Variants in RPS6KC1 observed in about 807,000 individuals in gnomAD.
The protein encoded by RPS6KC1 is inactive ribosomal protein S6 kinase delta-1.
In RPS6KC1, 54 loss-of-function variants were observed where a neutral mutation model predicts 103.8. The ratio of observed to expected loss-of-function variants is 0.52; its 90% CI spans 0.42 to 0.65. The LOEUF is 0.65. Among genes scored for constraint, RPS6KC1 ranks in the 30% least tolerant of loss-of-function variants. The pLI is 0.00. For missense variants in RPS6KC1, 1,151 were observed against 1,253.8 expected, an observed-to-expected ratio of 0.92 and a Z score of 1.24; for synonymous variants, 439 against 438.7, an observed-to-expected ratio of 1.00 and a Z score of -0.01.
At chr1:213,360,058 T>A in the RPS6KC1 span, among the ~76,000 whole-genome samples, 2 of 152,104 alleles carry the variant, frequency 1.3e-5, no homozygotes, top group Non-Finnish European at 2.9e-5. Context: ...TCTCGAGGAG[T>A]ATCTTTGTGG....
At chr1:213,473,043 C>T in the RPS6KC1 span, among the ~76,000 whole-genome samples, 2 of 152,350 alleles carry the variant, frequency 1.3e-5, no homozygotes, top group African/African-American at 4.8e-5. Context: ...TCTTCAGAGT[C>T]TGGCATCTGC....
chr1:213,698,639 G>A, the RPS6KC1 span, among the ~76,000 whole-genome samples: 1 of 151,978 alleles, frequency 6.6e-6, no homozygotes, highest in Admixed American at 6.6e-5. Flanking sequence ...GCAACCATTT[G>A]TGCCTGTATA....
chr1:213,575,524 G>A, the RPS6KC1 span, among the ~76,000 whole-genome samples: 2 of 152,128 alleles, frequency 1.3e-5, no homozygotes, highest in Admixed American at 1.3e-4. Flanking sequence ...TTTTATAAAG[G>A]GCTTTTCCCC....
chr1:213,137,773 CTCTCTA>C (rs1306040705), intron 6 of RPS6KC1, among the ~76,000 whole-genome samples: 2 of 33,372 alleles, frequency 6.0e-5, no homozygotes, highest in African/African-American at 9.4e-5. Context: ...CTCTCTCTCT[CTCTCTA>C]TATATATATA....
intron 7 of RPS6KC1, among the ~76,000 whole-genome samples, chr1:213,169,757 T>TTTTTTAAA (rs1221692753): frequency 6.6e-6 from 1 of 151,630 alleles, no homozygotes; most frequent in East Asian, 1.9e-4. Flanking sequence ...TTGTAAAAGT[T>TTTTTTAAA]TTTTTAAATT....
chr1:213,553,092 A>T, the RPS6KC1 span, among the ~76,000 whole-genome samples: 4 of 152,044 alleles, frequency 2.6e-5, no homozygotes, highest in Non-Finnish European at 5.9e-5. Flanking sequence ...TTCAGTGTAC[A>T]GATAATTTTG....
the RPS6KC1 span, among the ~76,000 whole-genome samples, chr1:213,610,941 A>G: frequency 6.6e-6 from 1 of 152,218 alleles, no homozygotes; most frequent in Non-Finnish European, 1.5e-5. Context: ...AGTGACATCC[A>G]AATGTGTGAA....
the RPS6KC1 span, among the ~76,000 whole-genome samples, chr1:213,341,526 G>C: frequency 6.6e-6 from 1 of 152,168 alleles, no homozygotes; most frequent in Non-Finnish European, 1.5e-5. Flanking sequence ...CATGGAATAG[G>C]AGTCCCAGAC....
At chr1:213,227,865 A>G (rs1573449563) in intron 8 of RPS6KC1, among the ~76,000 whole-genome samples, 1 of 152,224 alleles carries the variant, frequency 6.6e-6, no homozygotes, top group East Asian at 1.9e-4. Flanking sequence ...AAATGGATTC[A>G]TGTGATATTT....
At chr1:213,336,860 C>G in the RPS6KC1 span, among the ~76,000 whole-genome samples, 2 of 152,136 alleles carry the variant, frequency 1.3e-5, no homozygotes, top group Non-Finnish European at 2.9e-5. Flanking sequence ...TCTTGCATTA[C>G]ACAACTCTAG....
At chr1:213,325,458 A>T in the RPS6KC1 span, among the ~76,000 whole-genome samples, 1 of 152,178 alleles carries the variant, frequency 6.6e-6, no homozygotes, top group Non-Finnish European at 1.5e-5. Context: ...AAGAATCCGC[A>T]GTGGTTTGCA....
the RPS6KC1 span, among the ~76,000 whole-genome samples, chr1:213,500,715 T>C: frequency 6.6e-6 from 1 of 152,208 alleles, no homozygotes; most frequent in Non-Finnish European, 1.5e-5. Flanking sequence ...CACTGTTATA[T>C]ATGTGATCCT....
At chr1:213,160,858 G>A (rs1480552887) in intron 6 of RPS6KC1, among the ~76,000 whole-genome samples, 1 of 151,862 alleles carries the variant, frequency 6.6e-6, no homozygotes, top group Non-Finnish European at 1.5e-5. Flanking sequence ...ATGGGGTGGG[G>A]GGATGGGGGA....
chr1:213,133,873 C>G lies in RPS6KC1; in HGVS notation c.835+3984C>G, dbSNP rs1182712871. 2.0e-5 allele frequency among the ~76,000 whole-genome samples: 3 copies of G among 152,226 alleles called. No individual in the cohort carries two copies. In the East Asian group the frequency reaches 5.8e-4, roughly 29 times the overall value. On this transcript the variant is annotated intron_variant, in intron 6 of 14. Transcript: ENST00000366960. ...TGTGCTATGCTACTTCTCACATGTT[C>G]CTCCTAATTAGATTAGCATTTTAAG...
chr1:213,598,014 C>T, the RPS6KC1 span, among the ~76,000 whole-genome samples: 14 of 152,190 alleles, frequency 9.2e-5, no homozygotes, highest in African/African-American at 2.9e-4. Flanking sequence ...TGACTTGTCT[C>T]GAGGTATTAG....
the RPS6KC1 span, among the ~76,000 whole-genome samples, chr1:213,625,218 AG>A: frequency 6.6e-6 from 1 of 150,618 alleles, no homozygotes; most frequent in Non-Finnish European, 1.5e-5. Flanking sequence ...AAAAAGAAAA[AG>A]AAAAAAAAGC....
the RPS6KC1 span, among the ~76,000 whole-genome samples, chr1:213,495,287 T>A: frequency 6.6e-6 from 1 of 151,994 alleles, no homozygotes; most frequent in African/African-American, 2.4e-5. Flanking sequence ...CACAACATTA[T>A]GAAGTGTGCT....
At chr1:213,292,784 T>C in the RPS6KC1 span, among the ~76,000 whole-genome samples, 1 of 152,220 alleles carries the variant, frequency 6.6e-6, no homozygotes, top group African/African-American at 2.4e-5. Context: ...CAGGCCCTCT[T>C]AAACTATGAT....
chr1:213,352,034 T>TA, the RPS6KC1 span, among the ~76,000 whole-genome samples: 1 of 151,972 alleles, frequency 6.6e-6, no homozygotes, highest in Admixed American at 6.6e-5. Context: ...AGCTGGGAGA[T>TA]AGAGTTTTGG....
Sources: allele counts gnomAD v4.1 joint callset (sites outside exome capture counted in the v4.1 genomes callset), GRCh38; gene constraint gnomAD v4.1.1; transcripts MANE v1.5; gene names NCBI Gene and HGNC (gene_info 2026-07-23, HGNC 2026-07-21).